Variants in IL17RE observed in about 807,000 individuals in gnomAD.
IL17RE encodes interleukin 17 receptor E, also known as interleukin-17 receptor E.
In IL17RE, 47 loss-of-function variants were observed where a neutral mutation model predicts 70.7. The observed-to-expected ratio is 0.67, with a 90% CI of 0.53 to 0.85. IL17RE has a LOEUF of 0.85. IL17RE is among the 40% of genes least tolerant of loss of function. IL17RE has a pLI of 0.00. For missense variants in IL17RE, 850 were observed against 893.9 expected (o/e 0.95, Z 0.63); for synonymous variants, 372 against 381.2 (o/e 0.98, Z 0.28).
At chr3:9,902,466 C>T, upstream of IL17RE, 2 of 717,232 alleles carry the variant, frequency 2.8e-6, no homozygotes, top group Non-Finnish European at 4.8e-6. Flanking sequence ...CTCTGTATCT[C>T]CAGCACCCAG....
intron 6 of IL17RE, among the ~76,000 whole-genome samples, chr3:9,907,573 T>C (rs1375169326): frequency 6.6e-6 from 1 of 152,104 alleles, no homozygotes; most frequent in African/African-American, 2.4e-5. Context: ...CTCAGTGTGA[T>C]TCAGGCATTA....
In IL17RE at chr3:9,915,827, C is replaced by T; in HGVS notation, c.*20C>T. On this transcript the variant is annotated 3_prime_UTR_variant, in exon 16 of 16. Transcript: ENST00000383814. The surrounding 1 kb of genome is among the most constrained non-coding windows in gnomAD (Gnocchi z 4.9). ...GGTTGAGCAGAGCTCCACCGCAGTC[C>T]CGGGTGTCTGCGGCCGCAACGCAAC... The T allele has an allele frequency of 6.7e-7, 1 of 1,483,976 alleles. No homozygotes were observed. The highest frequency in any genetic ancestry group is 8.8e-7 in the Non-Finnish European group (1 of 1,131,812). 91.9% of individuals were successfully genotyped at this position (1,483,976 alleles called of 1,614,324 possible).
chr3:9,905,711 T>A (rs1344239306), intron 3 of IL17RE, among the ~76,000 whole-genome samples: 1 of 151,984 alleles, frequency 6.6e-6, no homozygotes, highest in Non-Finnish European at 1.5e-5. Context: ...TCCCAGCTAC[T>A]CTGGGGGCTG....
chr3:9,914,640 A>T (rs1244176855), intron 14 of IL17RE, 39 bp from the exon 15 acceptor site: 1 of 1,612,910 alleles, frequency 6.2e-7, no homozygotes, highest in South Asian at 1.1e-5. Context: ...GAGGCTGGGC[A>T]CTGAGGAACT....
chr3:9,911,252 C>T lies in IL17RE; in HGVS notation c.1027-3C>T. 6.2e-7 allele frequency: 1 copy of T among 1,614,210 alleles called. No individual in the cohort carries two copies. Among genetic ancestry groups the T allele is most frequent in the East Asian group, 2.2e-5 (1 of 44,888 alleles). ...GCTAATCTGCCATTCCTGTATTTCT[C>T]AGTTCTCTTTTGGAAACAGCAGCCA... On this transcript the variant is annotated splice_region_variant and splice_polypyrimidine_tract_variant and intron_variant, in intron 10 of 15. Coordinates refer to ENST00000383814, the MANE Select transcript of IL17RE (RefSeq NM_153480.2).
chr3:9,906,640 G>C, intron 4 of IL17RE, 66 bp from the exon 5 acceptor site: 2 of 1,590,626 alleles, frequency 1.3e-6, no homozygotes, highest in South Asian at 1.1e-5. Flanking sequence ...TCAGGTTCCA[G>C]AGGCAGAAAC....
At position 9,906,972 on chromosome 3, in the gene IL17RE, T is replaced by C; in HGVS notation, c.538T>C (p.Ser180Pro). Residue 180 changes from serine (S) to proline (P), a missense_variant, in exon 6 of 16, where the codon TCC (serine) becomes CCC (proline). Coordinates refer to ENST00000383814, the MANE Select transcript of IL17RE (RefSeq NM_153480.2). ...CTTCCTCTCCCCAGGACCCGAGTTC[T>C]CCTTTGATTTGCTGCCTGAGGCCCG... ...DSQRHGGPEF[S>P]FDLLPEARAI... is the part of the protein sequence containing the mutation. 1 of 1,614,196 alleles carries C rather than the reference T, an allele frequency of 6.2e-7. No homozygotes were observed. Among genetic ancestry groups the C allele is most frequent in the Non-Finnish European group, 8.5e-7 (1 of 1,180,030 alleles).
At chr3:9,909,373 AC>A (rs1360391282) in intron 8 of IL17RE, 90 bp downstream of exon 8, 1 of 1,069,156 alleles carries the variant, frequency 9.4e-7, no homozygotes, top group Non-Finnish European at 1.4e-6. Flanking sequence ...ACACACACAC[AC>A]CCCGCACTTC....
intron 4 of IL17RE, 101 bp from the exon 5 acceptor site, chr3:9,906,605 G>A: frequency 6.7e-7 from 1 of 1,488,892 alleles, no homozygotes; most frequent in Non-Finnish European, 9.3e-7. Context: ...GGCCAAAAGA[G>A]TTTGAGCAAC....
At chr3:9,914,439 A>T (rs975407532) in intron 13 of IL17RE, 109 bp from the exon 14 acceptor site, 89 of 1,541,154 alleles carry the variant, frequency 5.8e-5, no homozygotes, top group Non-Finnish European at 7.6e-5. Flanking sequence ...ACCTGGGAAG[A>T]ATTCCCTAGC....
intron 8 of IL17RE, 50 bp from the exon 9 acceptor site, chr3:9,910,815 G>A: frequency 6.4e-7 from 1 of 1,561,570 alleles, no homozygotes; most frequent in Non-Finnish European, 8.7e-7. Context: ...GTGGCAAGGT[G>A]GGGCTGAAGC....
chr3:9,915,803 G>T lies in IL17RE; in HGVS notation c.2000G>T (p.Gly667Val). ...GAGGCCGCCCGACTTGCAGACCTAG[G>T]TTGAGCAGAGCTCCACCGCAGTCCC... The part of the protein sequence containing the change: ...EREAARLADL[G>V] Residue 667 changes from glycine (G) to valine (V), a missense_variant, in exon 16 of 16, where the codon GGT (glycine) becomes GTT (valine). Transcript: ENST00000383814. The surrounding 1 kb of genome is among the most constrained non-coding windows in gnomAD (Gnocchi z 4.9). 1 of 1,527,614 alleles carries T rather than the reference G, an allele frequency of 6.5e-7. No homozygotes were observed. Among genetic ancestry groups the T allele is most frequent in the East Asian group, 2.6e-5 (1 of 37,820 alleles). The allele number at this position is 1,527,614 out of a possible 1,614,324, so 94.6% of individuals were successfully genotyped here.
At chr3:9,914,144 T>C (rs1418450029) in intron 13 of IL17RE, 120 bp downstream of exon 13, 5 of 825,302 alleles carry the variant, frequency 6.1e-6, no homozygotes, top group Non-Finnish European at 1.0e-5. Context: ...GTGTTTTAAA[T>C]TGAAATTGCT....
chr3:9,906,979 A>G lies in IL17RE; in HGVS notation c.545A>G (p.Asp182Gly). The part of the protein sequence containing the change: ...QRHGGPEFSF[D>G]LLPEARAIRV... Reference sequence around the variant, plus strand: ...TCCCCAGGACCCGAGTTCTCCTTTGATTTGCTGCCTGAGGCCCGGGCTATT... The same window carrying G: ...TCCCCAGGACCCGAGTTCTCCTTTGGTTTGCTGCCTGAGGCCCGGGCTATT... The change falls in exon 6 of 16, where the codon GAT becomes GGT. Residue 182 changes from aspartate to glycine, a missense_variant. Transcript: ENST00000383814. 6.2e-7 allele frequency: 1 copy of G among 1,614,052 alleles called. No individual in the cohort carries two copies.
rs566991300 is a variant in IL17RE, at chr3:9,909,336, G to C, written c.802+53G>C. The C allele has an allele frequency of 9.9e-5, 141 of 1,427,232 alleles. 2 individuals carry two copies. The South Asian group carries it at 1.6e-3, about 16-fold the overall frequency. The allele number at this position is 1,427,232 out of a possible 1,614,324, so 88.4% of individuals were successfully genotyped here. On this transcript the variant is annotated intron_variant, in intron 8 of 15. Transcript: ENST00000383814. ...GCACACACATCCCCTTTCTCTTTCT[G>C]TCTCCTACACACACATGTACACACA... is the stretch of plus-strand genomic sequence containing the variant.
intron 3 of IL17RE, among the ~76,000 whole-genome samples, chr3:9,905,094 CAAAAAAAAAAAAAA>C (rs71626946): frequency 1.8e-5 from 1 of 56,162 alleles, no homozygotes; most frequent in Non-Finnish European, 3.1e-5. Flanking sequence ...GACCCTGTCT[CAAAAAAAAAAAAAA>C]AAAAAAAAAA....
chr3:9,912,127 A>G (rs753354620), intron 12 of IL17RE, among the ~76,000 whole-genome samples: 76 of 152,302 alleles, frequency 5.0e-4, no homozygotes, highest in Non-Finnish European at 9.1e-4. Context: ...AGATTCTTAT[A>G]GGAGCGCAAA....
At chr3:9,908,331 C>T in intron 7 of IL17RE, 24 bp downstream of exon 7, 1 of 1,601,124 alleles carries the variant, frequency 6.2e-7, no homozygotes, top group Non-Finnish European at 8.6e-7. Flanking sequence ...AAGGTGTGGG[C>T]TGTCCATGGC....
intron 7 of IL17RE, 146 bp from the exon 8 acceptor site, chr3:9,909,071 C>A: frequency 1.6e-6 from 1 of 642,718 alleles, no homozygotes; most frequent in Non-Finnish European, 2.8e-6. Flanking sequence ...TGCCCCCACC[C>A]CACATTGCCC....
Sources: allele counts gnomAD v4.1 joint callset (sites outside exome capture counted in the v4.1 genomes callset), GRCh38; gene constraint gnomAD v4.1.1; non-coding constraint Gnocchi (gnomAD v3.1); transcripts MANE v1.5; gene names NCBI Gene and HGNC (gene_info 2026-07-23, HGNC 2026-07-21).